Variants in FAM193A observed in about 807,000 individuals in gnomAD.
FAM193A encodes protein FAM193A.
In FAM193A, 22 loss-of-function variants were observed where a neutral mutation model predicts 126.5. That is an observed-to-expected ratio of 0.17 (90% CI 0.12 to 0.25). The LOEUF (loss-of-function observed/expected upper bound fraction) is 0.25, where lower values mean the gene tolerates loss of function less well. Among genes scored for constraint, FAM193A ranks in the 10% least tolerant of loss-of-function variants. The pLI is 1.00. For synonymous variants in FAM193A, 761 were observed against 646.8 expected (o/e 1.18, Z -2.68); for missense variants, 1,675 against 1,672.8 (o/e 1.00, Z -0.02).
intron 1 of FAM193A, among the ~76,000 whole-genome samples, chr4:2,571,870 A>G (rs1312341545): frequency 4.6e-5 from 7 of 150,650 alleles, no homozygotes; most frequent in Non-Finnish European, 1.5e-5. Context: ...ACTACTTTCT[A>G]AATCTTGGTC....
chr4:2,644,310 C>A (rs1036112210), intron 6 of FAM193A, among the ~76,000 whole-genome samples: 6 of 152,102 alleles, frequency 3.9e-5, no homozygotes, highest in Non-Finnish European at 7.4e-5. Context: ...AGGAGCGGGA[C>A]AAGGAACACA....
intron 1 of FAM193A, among the ~76,000 whole-genome samples, chr4:2,546,138 AC>A (rs1369430249): frequency 6.7e-6 from 1 of 149,184 alleles, no homozygotes; most frequent in Non-Finnish European, 1.5e-5. Flanking sequence ...ACAGAGCAAG[AC>A]TCCGCCTCAA....
At chr4:2,539,220 C>T (rs1737074075) in intron 1 of FAM193A, among the ~76,000 whole-genome samples, 1 of 152,014 alleles carries the variant, frequency 6.6e-6, no homozygotes, top group African/African-American at 2.4e-5. Flanking sequence ...TCGCGTTATT[C>T]AAAATCAGAT....
chr4:2,625,155 T>C (rs1486490871), intron 2 of FAM193A, 107 bp from the exon 3 acceptor site: 1 of 590,224 alleles, frequency 1.7e-6, no homozygotes, highest in Non-Finnish European at 3.1e-6. Context: ...TTTCAATGTT[T>C]AGGTTTTACA....
At chr4:2,637,094 A>G (rs1318418205) in intron 5 of FAM193A, among the ~76,000 whole-genome samples, 1 of 152,196 alleles carries the variant, frequency 6.6e-6, no homozygotes, top group African/African-American at 2.4e-5. Flanking sequence ...TGGGAGGCCA[A>G]GGTGGGTGGA....
chr4:2,650,420 G>A (rs1003126635), intron 7 of FAM193A, among the ~76,000 whole-genome samples: 26 of 152,292 alleles, frequency 1.7e-4, no homozygotes, highest in African/African-American at 5.8e-4. Flanking sequence ...AACAGAAGGC[G>A]AGGGGCCGGC....
chr4:2,565,473 T>C (rs1303318091), intron 1 of FAM193A, among the ~76,000 whole-genome samples: 1 of 151,924 alleles, frequency 6.6e-6, no homozygotes, highest in Non-Finnish European at 1.5e-5. Context: ...GGCCAGGATG[T>C]TCTCGATCTC....
At position 2,672,301 on chromosome 4, in the gene FAM193A, A is replaced by G. The variant is rs769377626; in HGVS notation, c.2260A>G (p.Thr754Ala). ...PHIHGHVPLH[T>A]VPHLPRPLIH... Reference sequence around the variant, plus strand: ...CATCCATGGACATGTGCCTTTGCACACTGTTCCACACCTGCCACGCCCTCT... The same window carrying G: ...CATCCATGGACATGTGCCTTTGCACGCTGTTCCACACCTGCCACGCCCTCT... The change falls in exon 13 of 21, where the codon ACT (threonine) becomes GCT (alanine). Residue 754 changes from threonine (T) to alanine (A), a missense_variant. Physicochemically the swap from Thr to Ala is moderately conservative, Grantham distance 58. Coordinates refer to ENST00000637812, the MANE Select transcript of FAM193A (RefSeq NM_001366318.2). 1 of 1,614,026 alleles carries G rather than the reference A, an allele frequency of 6.2e-7. No homozygotes were observed. Among genetic ancestry groups the G allele is most frequent in the Non-Finnish European group, 8.5e-7 (1 of 1,180,028 alleles).
At chr4:2,707,126 C>G (rs990038568) in intron 19 of FAM193A, among the ~76,000 whole-genome samples, 3 of 151,050 alleles carry the variant, frequency 2.0e-5, no homozygotes, top group East Asian at 1.9e-4. Context: ...TGTCTCCCCC[C>G]ACAAAAAAAA....
Position 2,594,817 on chromosome 4 carries a change from TTCC to T in FAM193A, c.256-1265_256-1263del, listed in dbSNP as rs1372534412. Among the ~76,000 whole-genome samples, 342 of 127,426 alleles carry T rather than the reference TTCC, an allele frequency of 2.7e-3. 3 individuals are homozygous for T. The highest frequency in any genetic ancestry group is 5.9e-3 in the Admixed American group (74 of 12,560). 83.6% of individuals were successfully genotyped at this position (127,426 alleles called of 152,430 possible). A position where few individuals can be genotyped will look rare whatever the true frequency, so the allele number is the denominator to read the frequency against. On this transcript the variant is annotated intron_variant, in intron 1 of 20. Transcript: ENST00000637812. ...TCAGTTTCTTTCTTTTTCTTTTCTT[TTCC>T]TTTTTTTTTTTTTTTTTTTTTTTTT...
intron 19 of FAM193A, among the ~76,000 whole-genome samples, chr4:2,709,747 T>G: frequency 7.0e-6 from 1 of 142,858 alleles, no homozygotes; most frequent in Non-Finnish European, 1.5e-5. Flanking sequence ...AATTTTCTTG[T>G]TTTTTACATT....
intron 5 of FAM193A, among the ~76,000 whole-genome samples, chr4:2,632,358 G>A (rs921065155): frequency 2.0e-5 from 3 of 152,014 alleles, no homozygotes; most frequent in Non-Finnish European, 4.4e-5. Context: ...TTGAGCCCAG[G>A]AGCTTGAGAC....
intron 5 of FAM193A, among the ~76,000 whole-genome samples, chr4:2,632,882 C>T (rs17164056): frequency 0.18 from 27,392 of 152,104 alleles, 4,572 homozygotes; most frequent in African/African-American, 0.45. Flanking sequence ...TACAAGAACA[C>T]TGGCTCAGGT....
chr4:2,652,293 A>G (rs1041521606), intron 7 of FAM193A, among the ~76,000 whole-genome samples: 5 of 152,202 alleles, frequency 3.3e-5, no homozygotes, highest in Non-Finnish European at 5.9e-5. Flanking sequence ...GCTTTTCTGA[A>G]TGGAACTCCC....
intron 4 of FAM193A, among the ~76,000 whole-genome samples, chr4:2,630,098 C>T (rs1401348920): frequency 6.6e-6 from 1 of 150,600 alleles, no homozygotes; most frequent in East Asian, 1.9e-4. Context: ...CACCATTGCA[C>T]TCCAGCCTGG....
At chr4:2,566,616 G>A (rs1029599234) in intron 1 of FAM193A, among the ~76,000 whole-genome samples, 1 of 151,994 alleles carries the variant, frequency 6.6e-6, no homozygotes, top group Non-Finnish European at 1.5e-5. Context: ...TTGAACCTGG[G>A]AGGCGAGGTT....
At chr4:2,565,774 A>G (rs544038346) in intron 1 of FAM193A, among the ~76,000 whole-genome samples, 16 of 152,188 alleles carry the variant, frequency 1.1e-4, no homozygotes, top group Non-Finnish European at 2.2e-4. Context: ...CATCTTCACA[A>G]TATTTTGTAA....
At chr4:2,591,490 G>A (rs1441442288) in intron 1 of FAM193A, among the ~76,000 whole-genome samples, 4 of 152,124 alleles carry the variant, frequency 2.6e-5, no homozygotes, top group Non-Finnish European at 5.9e-5. Context: ...AAGGCCGGTC[G>A]GCAGGAGGTG....
chr4:2,727,940 A>T (rs77411871), intron 20 of FAM193A, among the ~76,000 whole-genome samples: 6 of 151,574 alleles, frequency 4.0e-5, no homozygotes, highest in African/African-American at 7.3e-5. Flanking sequence ...AAAAAAAAAA[A>T]TTATTTTATT....
Sources: allele counts gnomAD v4.1 joint callset (sites outside exome capture counted in the v4.1 genomes callset), GRCh38; gene constraint gnomAD v4.1.1; transcripts MANE v1.5; gene names NCBI Gene and HGNC (gene_info 2026-07-23, HGNC 2026-07-21).